The following STK3 variants were observed in gnomAD, a reference collection of about 807,000 sequenced individuals.
STK3 encodes the protein serine/threonine-protein kinase 3.
A neutral mutation model predicts 58.0 loss-of-function variants in STK3; 41 were observed. The observed-to-expected ratio is 0.71, with a 90% confidence interval of 0.55 to 0.92. The LOEUF is 0.92. Among genes scored for constraint, STK3 ranks in the 40% least tolerant of loss-of-function variants. The probability of loss-of-function intolerance (pLI) is 0.00; values close to 1 mark genes in which losing one functional copy is unlikely to be tolerated. For missense variants in STK3, 479 were observed against 602.7 expected (o/e 0.79, Z 2.15); for synonymous variants, 170 against 191.0 (o/e 0.89, Z 0.91).
At chr8:98,849,225 CAAAAA>C (rs1013187542) in intron 3 of STK3, among the ~76,000 whole-genome samples, 3 of 52,140 alleles carry the variant, frequency 5.8e-5, no homozygotes, top group Admixed American at 4.2e-4. Flanking sequence ...GACTCCATCT[CAAAAA>C]AAAAAAAAAA....
chr8:98,598,893 C>A, intron 6 of STK3: 2 of 985,378 alleles, frequency 2.0e-6, no homozygotes, highest in Non-Finnish European at 2.4e-6. Flanking sequence ...TTTAATAACG[C>A]AAGAAATCTA....
chr8:98,917,772 C>T (rs182756134), intron 1 of STK3, among the ~76,000 whole-genome samples: 93 of 152,304 alleles, frequency 6.1e-4, no homozygotes, highest in Middle Eastern at 6.8e-3. Flanking sequence ...AGAAACCGCT[C>T]CTATTTCACT....
intron 10 of STK3, among the ~76,000 whole-genome samples, chr8:98,457,687 T>C (rs1819605016): frequency 6.6e-6 from 1 of 152,140 alleles, no homozygotes; most frequent in African/African-American, 2.4e-5. Context: ...TAACATGACG[T>C]AAACGTAGAT....
intron 10 of STK3, among the ~76,000 whole-genome samples, chr8:98,492,277 T>C (rs1483854981): frequency 6.6e-6 from 1 of 152,210 alleles, no homozygotes; most frequent in African/African-American, 2.4e-5. Flanking sequence ...AGCAGTAATA[T>C]GATATCTTAA....
At chr8:98,517,926 T>C (rs1039864316) in intron 10 of STK3, among the ~76,000 whole-genome samples, 1 of 152,092 alleles carries the variant, frequency 6.6e-6, no homozygotes, top group African/African-American at 2.4e-5. Context: ...AAAGCCCACA[T>C]AGTCAAAATA....
At chr8:98,653,348 T>C (rs1461747706) in intron 6 of STK3, among the ~76,000 whole-genome samples, 3 of 151,820 alleles carry the variant, frequency 2.0e-5, no homozygotes. Flanking sequence ...TAGAGGGAAA[T>C]TTATAGCACT....
intron 6 of STK3, among the ~76,000 whole-genome samples, chr8:98,642,199 T>C (rs945641225): frequency 6.6e-6 from 1 of 152,066 alleles, no homozygotes; most frequent in African/African-American, 2.4e-5. Context: ...TGGAGTACAC[T>C]TGCCATCACC....
intron 10 of STK3, among the ~76,000 whole-genome samples, chr8:98,467,895 T>A (rs1047766086): frequency 6.6e-6 from 1 of 152,158 alleles, no homozygotes; most frequent in Non-Finnish European, 1.5e-5. Context: ...TTCACTGACA[T>A]CACAATACTT....
At chr8:98,802,566 A>G (rs1330671754) in intron 1 of STK3, among the ~76,000 whole-genome samples, 1 of 152,208 alleles carries the variant, frequency 6.6e-6, no homozygotes, top group African/African-American at 2.4e-5. Context: ...AACTATGTTT[A>G]AAGTTCTCCC....
chr8:98,846,815 T>C (rs1301815041), intron 3 of STK3, among the ~76,000 whole-genome samples: 2 of 151,354 alleles, frequency 1.3e-5, no homozygotes, highest in East Asian at 1.9e-4. Context: ...ACCACAAAGA[T>C]AGAGTTGATG....
chr8:98,475,017 T>C (rs1040104326), intron 10 of STK3, among the ~76,000 whole-genome samples: 1 of 152,210 alleles, frequency 6.6e-6, no homozygotes, highest in African/African-American at 2.4e-5. Context: ...TTTATTAACT[T>C]GTTAGTGTTT....
intron 3 of STK3, among the ~76,000 whole-genome samples, chr8:98,396,310 GA>G (rs1817896947): frequency 6.6e-6 from 1 of 152,254 alleles, no homozygotes; most frequent in Non-Finnish European, 1.5e-5. Flanking sequence ...TACAGGAGCT[GA>G]AATTCAACAT....
intron 10 of STK3, among the ~76,000 whole-genome samples, chr8:98,476,618 T>C (rs1473153834): frequency 1.3e-5 from 2 of 152,166 alleles, no homozygotes; most frequent in South Asian, 2.1e-4. Context: ...GGCAAATGCA[T>C]GAACAGATTT....
chr8:98,529,140 C>A (rs10099978), intron 9 of STK3, among the ~76,000 whole-genome samples: 63,368 of 151,974 alleles, frequency 0.42, 13,426 homozygotes, highest in East Asian at 0.55. Flanking sequence ...TTAGTTGGGA[C>A]GAGCTTTAAG....
At chr8:98,548,531 T>G (rs1182435299) in intron 8 of STK3, among the ~76,000 whole-genome samples, 1 of 152,170 alleles carries the variant, frequency 6.6e-6, no homozygotes, top group Admixed American at 6.6e-5. Context: ...TGTATTATAA[T>G]GGGCATAATG....
rs749145486 is a variant in STK3 at position 98,526,825 on chromosome 8, G to T, written c.1234C>A (p.Gln412Lys). 1.1e-5 allele frequency: 17 copies of T among 1,601,166 alleles called. No individual in the cohort carries two copies. The Admixed American group carries it at 2.0e-4, about 19-fold the overall frequency. ...FKNKSHENCN[Q>K]NMHEPFPMSK... is the part of the protein sequence containing the mutation. Reference sequence around the variant, plus strand: ...ATAGGGAAGGGTTCATGCATGTTCTGATTACAGTTTTCGTGACTCTTATTC... The same window carrying T: ...ATAGGGAAGGGTTCATGCATGTTCTTATTACAGTTTTCGTGACTCTTATTC... Residue 412 changes from glutamine (Q) to lysine (K), a missense_variant, in exon 10 of 11, where the codon CAG (glutamine) becomes AAG (lysine). Around this residue, in one of 3 missense-constraint regions of STK3, gnomAD observed 309 missense variants for 355.7 expected, o/e 0.87. Transcript: ENST00000419617.
At chr8:98,349,933 A>G in the STK3 span, among the ~76,000 whole-genome samples, 1 of 151,690 alleles carries the variant, frequency 6.6e-6, no homozygotes, top group East Asian at 2.0e-4. Flanking sequence ...GGTCTCTGAC[A>G]TGCCCTGGAG....
chr8:98,624,634 C>G (rs371894527), intron 6 of STK3, among the ~76,000 whole-genome samples: 181 of 152,246 alleles, frequency 1.2e-3, no homozygotes, highest in African/African-American at 4.1e-3. Context: ...GGTGGGATCA[C>G]TTGAGGTCAG....
rs555340500 is a variant in STK3, at chr8:98,569,386, T to G, written c.948+10278A>C. Among the ~76,000 whole-genome samples the G allele has an allele frequency of 5.3e-5, 8 of 151,862 alleles. No individual in the cohort carries two copies. In the East Asian group the frequency reaches 1.5e-3, roughly 29 times the overall value. ...AAAGAGGACATTCCACAGGTTGATG[T>G]TGAAAGGAAGTCTTAGGATGACAGC... is the stretch of plus-strand genomic sequence containing the variant. On this transcript the variant is annotated intron_variant, in intron 8 of 10. Coordinates refer to ENST00000419617, the MANE Select transcript of STK3 (RefSeq NM_006281.4).
Sources: allele counts gnomAD v4.1 joint callset (sites outside exome capture counted in the v4.1 genomes callset), GRCh38; gene constraint gnomAD v4.1.1; regional missense constraint gnomAD v4.1.1; transcripts MANE v1.5; gene names NCBI Gene and HGNC (gene_info 2026-07-23, HGNC 2026-07-21).